The following RAB38 variants were observed in gnomAD, a reference collection of about 807,000 sequenced individuals.
The protein encoded by RAB38 is ras-related protein Rab-38.
A neutral mutation model predicts 18.4 loss-of-function variants in RAB38; 15 were observed. The observed-to-expected ratio is 0.82, with a 90% confidence interval of 0.55 to 1.26. RAB38 has a LOEUF of 1.26. Ranked by LOEUF, RAB38 falls within the 50% of genes most tolerant of loss-of-function variation. The pLI, the probability that RAB38 is intolerant of heterozygous loss-of-function variation, is 0.00. For synonymous variants in RAB38, 101 were observed against 104.4 expected (o/e 0.97, Z 0.20); for missense variants, 294 against 267.4 (o/e 1.10, Z -0.69).
At chr11:88,091,865 T>C in the RAB38 span, among the ~76,000 whole-genome samples, 1 of 151,898 alleles carries the variant, frequency 6.6e-6, no homozygotes, top group Non-Finnish European at 1.5e-5. Context: ...AGCCAATTTA[T>C]GAGCTCTTGG....
chr11:87,927,140 C>T, the RAB38 span, among the ~76,000 whole-genome samples: 1 of 151,980 alleles, frequency 6.6e-6, no homozygotes, highest in Non-Finnish European at 1.5e-5. Flanking sequence ...ACTAAAAATA[C>T]AATTTGGGAT....
chr11:88,010,294 A>ACG, the RAB38 span, among the ~76,000 whole-genome samples: 1 of 105,842 alleles, frequency 9.4e-6, no homozygotes, highest in African/African-American at 3.4e-5. Context: ...CAGTCATTTA[A>ACG]TGAGTTTCTT....
chr11:88,103,279 G>A, the RAB38 span, among the ~76,000 whole-genome samples: 3 of 151,992 alleles, frequency 2.0e-5, no homozygotes, highest in African/African-American at 7.2e-5. Flanking sequence ...GAAATCTAGT[G>A]TGTCAGAGAT....
At chr11:88,136,038 A>C (rs1942830799) in intron 2 of RAB38, among the ~76,000 whole-genome samples, 1 of 152,230 alleles carries the variant, frequency 6.6e-6, no homozygotes, top group Non-Finnish European at 1.5e-5. Context: ...CACTTCATTT[A>C]GTTCAAGGAA....
At chr11:88,071,264 A>ACACC in the RAB38 span, among the ~76,000 whole-genome samples, 3 of 151,760 alleles carry the variant, frequency 2.0e-5, no homozygotes, top group Non-Finnish European at 4.4e-5. Flanking sequence ...ACACACACAC[A>ACACC]CACACACGTG....
chr11:87,938,839 G>A, the RAB38 span, among the ~76,000 whole-genome samples: 875 of 151,828 alleles, frequency 5.8e-3, 4 homozygotes, highest in Non-Finnish European at 0.011. Context: ...TCCCTAGCCG[G>A]TCTGCCTTCT....
chr11:88,137,746 G>A (rs1042818374), intron 2 of RAB38, among the ~76,000 whole-genome samples: 6 of 152,120 alleles, frequency 3.9e-5, no homozygotes, highest in Non-Finnish European at 7.4e-5. Flanking sequence ...ATAAAGCACA[G>A]GATTGTGGAC....
At chr11:87,894,124 C>A in the RAB38 span, among the ~76,000 whole-genome samples, 96,345 of 151,360 alleles carry the variant, frequency 0.64, 32,444 homozygotes, top group East Asian at 0.9. Context: ...ATGTGTAAAT[C>A]TTTCATTTCT....
the RAB38 span, among the ~76,000 whole-genome samples, chr11:87,880,964 G>C: frequency 2.0e-5 from 3 of 151,772 alleles, no homozygotes; most frequent in African/African-American, 7.3e-5. Flanking sequence ...GAGTGCTATG[G>C]TGAAAAATAA....
the RAB38 span, among the ~76,000 whole-genome samples, chr11:87,972,157 C>T: frequency 1.3e-5 from 2 of 151,930 alleles, no homozygotes; most frequent in South Asian, 2.1e-4. Context: ...AATAGTATGG[C>T]GCCAAAAATA....
the RAB38 span, among the ~76,000 whole-genome samples, chr11:88,049,106 G>A: frequency 4.6e-5 from 7 of 151,788 alleles, no homozygotes; most frequent in African/African-American, 1.5e-4. Flanking sequence ...CCCTAATCCC[G>A]CTTGAAGCAG....
the RAB38 span, among the ~76,000 whole-genome samples, chr11:87,836,837 A>G: frequency 1.1e-4 from 16 of 151,992 alleles, no homozygotes; most frequent in Non-Finnish European, 2.1e-4. Flanking sequence ...TTTTGTACTC[A>G]TTGTCTCCAG....
At chr11:88,045,510 C>A in the RAB38 span, among the ~76,000 whole-genome samples, 1 of 152,300 alleles carries the variant, frequency 6.6e-6, no homozygotes, top group East Asian at 1.9e-4. Context: ...GCCCGCAGCC[C>A]GGGATTCCTC....
intron 1 of RAB38, chr11:88,166,911 T>G (rs887795792): frequency 2.6e-5 from 4 of 152,190 alleles, no homozygotes; most frequent in Non-Finnish European, 5.9e-5. Flanking sequence ...ATCAATGATA[T>G]GTCTTAGAAT....
the RAB38 span, among the ~76,000 whole-genome samples, chr11:87,974,948 T>C: frequency 6.6e-6 from 1 of 151,970 alleles, no homozygotes; most frequent in Admixed American, 6.6e-5. Context: ...GCCACAGTTC[T>C]GGAAGCAGAA....
At chr11:87,956,678 T>C in the RAB38 span, among the ~76,000 whole-genome samples, 2 of 152,138 alleles carry the variant, frequency 1.3e-5, no homozygotes, top group African/African-American at 2.4e-5. Flanking sequence ...CTACAGGAGC[T>C]AGAAGGTCAC....
At chr11:87,825,293 T>C in the RAB38 span, among the ~76,000 whole-genome samples, 1 of 152,144 alleles carries the variant, frequency 6.6e-6, no homozygotes, top group African/African-American at 2.4e-5. Context: ...AGAGTCCTCA[T>C]TGACTATTAG....
chr11:88,039,586 C>T, the RAB38 span, among the ~76,000 whole-genome samples: 7 of 152,218 alleles, frequency 4.6e-5, no homozygotes, highest in East Asian at 1.4e-3. Context: ...TCAAGTTTTA[C>T]TCATGAATTG....
At chr11:87,877,976 C>T in the RAB38 span, among the ~76,000 whole-genome samples, 1 of 151,088 alleles carries the variant, frequency 6.6e-6, no homozygotes, top group Non-Finnish European at 1.5e-5. Flanking sequence ...GCGTGCCTGA[C>T]TTATCCTTGT....
Sources: allele counts gnomAD v4.1 joint callset (sites outside exome capture counted in the v4.1 genomes callset), GRCh38; gene constraint gnomAD v4.1.1; transcripts MANE v1.5; gene names NCBI Gene and HGNC (gene_info 2026-07-23, HGNC 2026-07-21).